The following UGT1A5 variants were observed in gnomAD, a reference collection of about 807,000 sequenced individuals.
The protein encoded by UGT1A5 is UDP glucuronosyltransferase family 1 member A5.
Under a neutral mutation model 40.3 loss-of-function variants are expected in UGT1A5, and 29 were observed. The ratio of observed to expected loss-of-function variants is 0.72; its 90% confidence interval spans 0.54 to 0.98. The LOEUF is 0.98. Ranked by LOEUF, UGT1A5 falls within the 50% of genes least tolerant of loss-of-function variation. The pLI is 0.00. For synonymous variants in UGT1A5, 257 were observed against 262.5 expected (o/e 0.98, Z 0.20); for missense variants, 678 against 677.9 (o/e 1.00, Z 0.00).
In UGT1A5 at chr2:233,760,715, G is replaced by A. The variant is rs1559407347; in HGVS notation, c.868-6319G>A. ...GAGCTCATGGCCTCCCTGGCAGAAA[G>A]CAGCTTTGATGTCATGCTGACGGAC... is the stretch of plus-strand genomic sequence containing the variant. On this transcript the variant is annotated intron_variant, in intron 1 of 4. Transcript: ENST00000373414. The A allele has an allele frequency of 1.2e-6, 2 of 1,614,196 alleles. No individual in the cohort carries two copies. The highest frequency in any genetic ancestry group is 1.3e-5 in the African/African-American group (1 of 75,042).
intron 1 of UGT1A5, 27 bp from the exon 2 acceptor site, chr2:233,767,007 A>T: frequency 6.2e-7 from 1 of 1,613,842 alleles, no homozygotes; most frequent in Non-Finnish European, 8.5e-7. Flanking sequence ...AGAAAAAATT[A>T]ACTGAAAATT....
chr2:233,733,436 G>T (rs2078397447), intron 1 of UGT1A5, among the ~76,000 whole-genome samples: 1 of 152,134 alleles, frequency 6.6e-6, no homozygotes, highest in African/African-American at 2.4e-5. Flanking sequence ...TATGATATTG[G>T]CTGCGGGTTT....
intron 1 of UGT1A5, among the ~76,000 whole-genome samples, chr2:233,716,751 G>C (rs900841882): frequency 3.9e-5 from 6 of 152,184 alleles, no homozygotes; most frequent in African/African-American, 1.4e-4. Context: ...GATTGGGAGA[G>C]GGGAGCTAGA....
intron 1 of UGT1A5, among the ~76,000 whole-genome samples, chr2:233,756,923 C>T (rs1696357970): frequency 1.3e-5 from 2 of 151,968 alleles, no homozygotes; most frequent in South Asian, 4.2e-4. Context: ...GTTTATATAA[C>T]CTCTAGTTAC....
At chr2:233,743,643 T>G in intron 1 of UGT1A5, 3 of 1,367,286 alleles carry the variant, frequency 2.2e-6, no homozygotes, top group Non-Finnish European at 2.9e-6. Context: ...TCGCGGAAGC[T>G]GAAGACGTAC....
At position 233,767,086 on chromosome 2, in the gene UGT1A5, C is replaced by A. The variant is rs1169717734; in HGVS notation, c.920C>A (p.Ser307Tyr). 2 of 1,614,008 alleles carry A rather than the reference C, an allele frequency of 1.2e-6. No individual in the cohort carries two copies. Among genetic ancestry groups the A allele is most frequent in the Non-Finnish European group, 1.7e-6 (2 of 1,180,008 alleles). Residue 307 changes from serine (S) to tyrosine (Y), a missense_variant, in exon 2 of 5, where the codon TCT becomes TAT. Coordinates refer to ENST00000373414, the MANE Select transcript of UGT1A5 (RefSeq NM_019078.2). ...ASGEHGIVVF[S>Y]LGSMVSEIPE... ...GGAGAACATGGAATTGTGGTTTTCT[C>A]TTTGGGATCAATGGTCTCAGAAATT...
chr2:233,768,549 A>C, intron 4 of UGT1A5, 110 bp downstream of exon 4: 1 of 1,483,956 alleles, frequency 6.7e-7, no homozygotes, highest in Non-Finnish European at 8.9e-7. Flanking sequence ...AAATATAAAA[A>C]CAAATACATA....
intron 4 of UGT1A5, 101 bp from the exon 5 acceptor site, chr2:233,772,161 T>C: frequency 6.4e-7 from 1 of 1,566,196 alleles, no homozygotes; most frequent in Non-Finnish European, 8.7e-7. Context: ...CTTTCCCAAG[T>C]TTGGAAAATC....
chr2:233,744,646 T>C (rs28899468), intron 1 of UGT1A5, among the ~76,000 whole-genome samples: 5,545 of 151,990 alleles, frequency 0.036, 178 homozygotes, highest in African/African-American at 0.053. Context: ...TCAGCTTCTG[T>C]ATTCAATCTA....
chr2:233,718,746 T>C (rs2076680483), intron 1 of UGT1A5: 1 of 1,612,108 alleles, frequency 6.2e-7, no homozygotes, highest in Admixed American at 1.7e-5. Flanking sequence ...AATGACAAGG[T>C]AATTAAGGCG....
chr2:233,747,089 ACTCTAT>A, intron 1 of UGT1A5: 1 of 1,215,556 alleles, frequency 8.2e-7, no homozygotes. Context: ...GGAGGAGAGC[ACTCTAT>A]CTTCCAATTA....
rs749552053 is a variant in UGT1A5 at position 233,760,309 on chromosome 2, G to A, written c.868-6725G>A. 18 of 1,613,646 alleles carry A rather than the reference G, an allele frequency of 1.1e-5. No individual in the cohort carries two copies. The highest frequency in any genetic ancestry group is 2.2e-5 in the East Asian group (1 of 44,886). On this transcript the variant is annotated intron_variant, in intron 1 of 4. Transcript: ENST00000373414. ...CGCCATGGCTGTGGAGTCCCAGGGCGGACGCCCACTTGTCCTGGGCCTGCT... is the reference window on the plus strand; with the variant it reads ...CGCCATGGCTGTGGAGTCCCAGGGCAGACGCCCACTTGTCCTGGGCCTGCT...
chr2:233,763,101 G>A (rs911643886), intron 1 of UGT1A5, among the ~76,000 whole-genome samples: 8 of 152,178 alleles, frequency 5.3e-5, no homozygotes, highest in African/African-American at 1.7e-4. Context: ...GAGAGGCACC[G>A]AACTTTATCA....
intron 1 of UGT1A5, chr2:233,756,443 C>T (rs1181894650): frequency 6.6e-6 from 1 of 151,696 alleles, no homozygotes; most frequent in Non-Finnish European, 1.5e-5. Flanking sequence ...ATTGTTGTTC[C>T]CCCCAAATAT....
Position 233,719,463 on chromosome 2 carries a change from C to G in UGT1A5, c.867+5605C>G, listed in dbSNP as rs778257140. On this transcript the variant is annotated intron_variant, in intron 1 of 4. Transcript: ENST00000373414. ...ATTCCTGCAAAGGGTCAAGAACATG[C>G]TCTACCCTCTGGCCCTGTCCTACAT... 3 of 1,613,862 alleles carry G rather than the reference C, an allele frequency of 1.9e-6. No homozygotes were observed. The South Asian group carries it at 3.3e-5, about 18-fold the overall frequency.
chr2:233,766,888 A>G, intron 1 of UGT1A5, 146 bp from the exon 2 acceptor site: 1 of 1,462,694 alleles, frequency 6.8e-7, no homozygotes. Flanking sequence ...TGTAAAACTT[A>G]CATATTAATA....
At chr2:233,720,871 A>AT (rs60621337) in intron 1 of UGT1A5, among the ~76,000 whole-genome samples, 4,423 of 132,758 alleles carry the variant, frequency 0.033, 90 homozygotes, top group Middle Eastern at 0.07. Context: ...GCTCCTGGCA[A>AT]TTTTTTTTTT....
rs373107890 is a variant in UGT1A5 at position 233,743,700 on chromosome 2, C to T, written c.868-23334C>T. On this transcript the variant is annotated intron_variant, in intron 1 of 4. Transcript: ENST00000373414. ...CTGCCGCCTGTGCAGCCGCCCTCCG[C>T]CCCCGCCTCGCCATAGCGGTCATAG... is the stretch of plus-strand genomic sequence containing the variant. 182 of 1,367,322 alleles carry T rather than the reference C, an allele frequency of 1.3e-4. 1 individual carries two copies. The highest frequency in any genetic ancestry group is 1.8e-4 in the Non-Finnish European group (179 of 1,021,848). 84.7% of individuals were successfully genotyped at this position (1,367,322 alleles called of 1,614,324 possible).
chr2:233,767,286 C>G, intron 2 of UGT1A5, 121 bp downstream of exon 2: 1 of 1,568,700 alleles, frequency 6.4e-7, no homozygotes, highest in African/African-American at 1.4e-5. Context: ...CCTGCCACTT[C>G]CCAACTATTA....
Sources: allele counts gnomAD v4.1 joint callset (sites outside exome capture counted in the v4.1 genomes callset), GRCh38; gene constraint gnomAD v4.1.1; transcripts MANE v1.5; gene names NCBI Gene and HGNC (gene_info 2026-07-23, HGNC 2026-07-21).